Variants in GALNTL6 observed in about 807,000 individuals in gnomAD.
GALNTL6 encodes the protein polypeptide N-acetylgalactosaminyltransferase like 6.
GALNTL6 carries 46 observed loss-of-function variants against 73.7 expected under a neutral mutation model. The ratio of observed to expected loss-of-function variants is 0.62; its 90% CI spans 0.49 to 0.80. The LOEUF (loss-of-function observed/expected upper bound fraction) is 0.80. Ranked by LOEUF, GALNTL6 falls within the 30% of genes least tolerant of loss-of-function variation. The probability of loss-of-function intolerance (pLI) is 0.00; values close to 1 mark genes in which losing one functional copy is unlikely to be tolerated. For missense variants in GALNTL6, 604 were observed against 755.0 expected, an observed-to-expected ratio of 0.80 and a Z score of 2.34; for synonymous variants, 259 against 263.7, an observed-to-expected ratio of 0.98 and a Z score of 0.17.
At chr4:172,105,544 C>A (rs777288636) in intron 2 of GALNTL6, among the ~76,000 whole-genome samples, 3 of 151,244 alleles carry the variant, frequency 2.0e-5, no homozygotes, top group East Asian at 1.9e-4. Context: ...GTGTTGGCAC[C>A]TTATGGTGAA....
intron 5 of GALNTL6, among the ~76,000 whole-genome samples, chr4:172,465,013 GA>G (rs1732755871): frequency 1.3e-5 from 2 of 152,018 alleles, no homozygotes. Flanking sequence ...ACATCGTAAT[GA>G]AAAAAACAAT....
At chr4:172,721,579 A>G (rs1014037934) in intron 5 of GALNTL6, among the ~76,000 whole-genome samples, 3 of 152,166 alleles carry the variant, frequency 2.0e-5, no homozygotes, top group African/African-American at 7.2e-5. Context: ...AGGTATCAAT[A>G]GAGTTGGTTA....
intron 5 of GALNTL6, among the ~76,000 whole-genome samples, chr4:172,350,538 T>C (rs893309576): frequency 6.6e-5 from 10 of 152,124 alleles, no homozygotes; most frequent in Non-Finnish European, 1.5e-4. Flanking sequence ...TAATGGTGAT[T>C]TTTGAATTTC....
At chr4:172,254,610 G>A (rs932173831) in intron 3 of GALNTL6, among the ~76,000 whole-genome samples, 6 of 151,676 alleles carry the variant, frequency 4.0e-5, no homozygotes, top group African/African-American at 1.5e-4. Context: ...TATGTTTTAT[G>A]TATAGAACAG....
At chr4:172,587,886 G>C (rs755655018) in intron 5 of GALNTL6, among the ~76,000 whole-genome samples, 1 of 152,080 alleles carries the variant, frequency 6.6e-6, no homozygotes, top group Non-Finnish European at 1.5e-5. Context: ...CAAGCCCAAG[G>C]CTGGCCATGG....
chr4:172,478,301 G>C (rs192231184), intron 5 of GALNTL6, among the ~76,000 whole-genome samples: 144 of 152,252 alleles, frequency 9.5e-4, no homozygotes, highest in South Asian at 1.9e-3. Flanking sequence ...GCATGGACTC[G>C]TGTAAAAGTA....
At chr4:172,665,150 A>G (rs1310170929) in intron 5 of GALNTL6, among the ~76,000 whole-genome samples, 2 of 152,142 alleles carry the variant, frequency 1.3e-5, no homozygotes, top group African/African-American at 4.8e-5. Flanking sequence ...CTTGCCACCT[A>G]CTAATCATTA....
intron 5 of GALNTL6, among the ~76,000 whole-genome samples, chr4:172,519,509 C>CT (rs200738778): frequency 1.6e-3 from 217 of 139,242 alleles, no homozygotes; most frequent in Middle Eastern, 0.011. Context: ...TTCCTTCTTT[C>CT]TTTTTTTTTT....
chr4:171,984,394 G>A (rs1054121208), intron 2 of GALNTL6, among the ~76,000 whole-genome samples: 3 of 152,168 alleles, frequency 2.0e-5, no homozygotes, highest in Non-Finnish European at 4.4e-5. Context: ...GAGGAAGTGA[G>A]CAGGTAGGTG....
intron 5 of GALNTL6, among the ~76,000 whole-genome samples, chr4:172,583,425 A>G (rs1737272682): frequency 6.6e-6 from 1 of 152,230 alleles, no homozygotes; most frequent in South Asian, 2.1e-4. Context: ...TTCAAAAATT[A>G]AGAAAGTATC....
chr4:171,953,830 T>G (rs1332549800), intron 2 of GALNTL6, among the ~76,000 whole-genome samples: 7 of 152,208 alleles, frequency 4.6e-5, no homozygotes, highest in Non-Finnish European at 2.9e-5. Flanking sequence ...GGGGATTTAT[T>G]TTTAAGAAAA....
intron 2 of GALNTL6, among the ~76,000 whole-genome samples, chr4:171,899,410 T>G (rs1163015372): frequency 6.6e-6 from 1 of 152,150 alleles, no homozygotes; most frequent in African/African-American, 2.4e-5. Context: ...AAATCAGCTC[T>G]GAGTCTAGAA....
chr4:172,212,228 C>A (rs1297916253), intron 2 of GALNTL6, among the ~76,000 whole-genome samples: 1 of 151,880 alleles, frequency 6.6e-6, no homozygotes, highest in African/African-American at 2.4e-5. Context: ...GTGGTGTGAT[C>A]TGGGCTCACT....
chr4:172,857,814 T>A (rs1480851850), intron 7 of GALNTL6, among the ~76,000 whole-genome samples: 1 of 152,216 alleles, frequency 6.6e-6, no homozygotes, highest in African/African-American at 2.4e-5. Flanking sequence ...TAATCCTCAA[T>A]AAAGCAAATC....
chr4:172,160,375 A>G (rs930764024), intron 2 of GALNTL6, among the ~76,000 whole-genome samples: 4 of 152,126 alleles, frequency 2.6e-5, no homozygotes, highest in African/African-American at 7.2e-5. Flanking sequence ...AGAGAGCGAT[A>G]GCATAGGGCC....
chr4:171,956,234 G>A (rs1739046825), intron 2 of GALNTL6, among the ~76,000 whole-genome samples: 1 of 152,060 alleles, frequency 6.6e-6, no homozygotes, highest in Non-Finnish European at 1.5e-5. Flanking sequence ...TGAACGGCGA[G>A]GCTAAACCAA....
At chr4:172,858,195 TC>T (rs1447537446) in intron 7 of GALNTL6, among the ~76,000 whole-genome samples, 3 of 152,192 alleles carry the variant, frequency 2.0e-5, no homozygotes, top group Non-Finnish European at 4.4e-5. Flanking sequence ...AAACAACACT[TC>T]TCAATTTTAA....
At chr4:172,845,482 CAG>C (rs1335861966) in intron 7 of GALNTL6, among the ~76,000 whole-genome samples, 2 of 152,080 alleles carry the variant, frequency 1.3e-5, no homozygotes, top group Non-Finnish European at 1.5e-5. Flanking sequence ...AGCTGCAATT[CAG>C]AGTTTGCAAG....
At chr4:172,375,746 C>T (rs1237303036) in intron 5 of GALNTL6, among the ~76,000 whole-genome samples, 1 of 152,154 alleles carries the variant, frequency 6.6e-6, no homozygotes, top group South Asian at 2.1e-4. Context: ...TGAAAACCTG[C>T]ACTCTTGCCT....
Sources: allele counts gnomAD v4.1 joint callset (sites outside exome capture counted in the v4.1 genomes callset), GRCh38; gene constraint gnomAD v4.1.1; transcripts MANE v1.5; gene names NCBI Gene and HGNC (gene_info 2026-07-23, HGNC 2026-07-21).